CD96: variants seen among roughly 807,000 people sequenced by gnomAD.
CD96 encodes CD96 molecule, also known as T-cell surface protein tactile.
A neutral mutation model predicts 71.3 loss-of-function variants in CD96; 70 were observed. The observed-to-expected ratio is 0.98, with a 90% CI of 0.81 to 1.20. The LOEUF is 1.20. Among genes scored for constraint, CD96 ranks in the 50% most tolerant of loss-of-function variants. The pLI is 0.00. For missense variants in CD96, 742 were observed against 677.5 expected (o/e 1.10, Z -1.06); for synonymous variants, 248 against 233.0 (o/e 1.06, Z -0.59).
intron 12 of CD96, among the ~76,000 whole-genome samples, chr3:111,643,830 T>C (rs1161788295): frequency 6.6e-6 from 1 of 150,668 alleles, no homozygotes; most frequent in African/African-American, 2.4e-5. Context: ...CTGAGATAAA[T>C]CATAGATGAC....
chr3:111,554,685 T>G (rs7616420), intron 2 of CD96, among the ~76,000 whole-genome samples: 103,375 of 151,918 alleles, frequency 0.68, 35,512 homozygotes, highest in African/African-American at 0.77. Context: ...TGACACTAGG[T>G]ACCGGCATGG....
intron 5 of CD96, among the ~76,000 whole-genome samples, 191 bp downstream of exon 5, chr3:111,585,569 C>A (rs1298698887): frequency 1.3e-5 from 2 of 151,994 alleles, no homozygotes; most frequent in Admixed American, 1.3e-4. Flanking sequence ...AGACTTAGGG[C>A]TCTCAGAATG....
intron 3 of CD96, among the ~76,000 whole-genome samples, chr3:111,574,284 C>A (rs1228798669): frequency 6.6e-6 from 1 of 152,028 alleles, no homozygotes; most frequent in Non-Finnish European, 1.5e-5. Flanking sequence ...TCAAAATGCT[C>A]CAAAATCTGA....
intron 8 of CD96, among the ~76,000 whole-genome samples, chr3:111,616,028 T>A (rs1938216592): frequency 6.6e-6 from 1 of 152,154 alleles, no homozygotes; most frequent in Admixed American, 6.5e-5. Flanking sequence ...CTCGATGAGG[T>A]ACTCCATGAC....
At chr3:111,615,960 A>C (rs1938211874) in intron 8 of CD96, among the ~76,000 whole-genome samples, 1 of 152,076 alleles carries the variant, frequency 6.6e-6, no homozygotes, top group Non-Finnish European at 1.5e-5. Context: ...TTCTTCCCCC[A>C]AATATCTACA....
Position 111,663,796 on chromosome 3 carries a change from T to G in CD96, c.*53-1731T>G, listed in dbSNP as rs1435631595. ...TGGAGTCTCGCTCTGTTGCCCAGGC[T>G]GGAGTGCAGTAGTGCTATCTCTGCT... On this transcript the variant is annotated intron_variant and NMD_transcript_variant, in intron 14 of 14. Transcript: ENST00000494798. Among the ~76,000 whole-genome samples the G allele has an allele frequency of 2.0e-5, 3 of 150,726 alleles. No individual in the cohort carries two copies. The East Asian group carries it at 5.9e-4, about 30-fold the overall frequency.
chr3:111,661,552 T>A (rs1940358720), intron 14 of CD96, among the ~76,000 whole-genome samples: 1 of 152,206 alleles, frequency 6.6e-6, no homozygotes, highest in South Asian at 2.1e-4. Flanking sequence ...AGGGTACAGA[T>A]GTTGGGTAAA....
intron 12 of CD96, among the ~76,000 whole-genome samples, chr3:111,643,169 T>C (rs1939673576): frequency 6.7e-6 from 1 of 149,980 alleles, no homozygotes; most frequent in Non-Finnish European, 1.5e-5. Flanking sequence ...GATGCAGGGA[T>C]GGTTTAACAT....
chr3:111,562,786 G>A (rs1399424757), intron 2 of CD96, among the ~76,000 whole-genome samples: 1 of 152,076 alleles, frequency 6.6e-6, no homozygotes, highest in Admixed American at 6.5e-5. Flanking sequence ...CTGACTCAGT[G>A]TGTAGTTTCC....
At chr3:111,633,253 CACA>C (rs1275327077) in intron 10 of CD96, among the ~76,000 whole-genome samples, 2 of 151,964 alleles carry the variant, frequency 1.3e-5, no homozygotes, top group African/African-American at 4.8e-5. Flanking sequence ...TTAGAACACA[CACA>C]ACATTTATCA....
At chr3:111,563,555 C>G (rs968797515) in intron 2 of CD96, among the ~76,000 whole-genome samples, 3 of 152,162 alleles carry the variant, frequency 2.0e-5, no homozygotes, top group Admixed American at 2.0e-4. Flanking sequence ...TTAATGACTA[C>G]CTTTAGTCAA....
intron 3 of CD96, among the ~76,000 whole-genome samples, chr3:111,574,407 C>T (rs1576336959): frequency 6.6e-6 from 1 of 152,092 alleles, no homozygotes; most frequent in East Asian, 1.9e-4. Flanking sequence ...GTCCAAAATC[C>T]AAAACATCTG....
chr3:111,613,805 T>C (rs1312791499), intron 8 of CD96, among the ~76,000 whole-genome samples: 3 of 152,234 alleles, frequency 2.0e-5, no homozygotes, highest in Non-Finnish European at 4.4e-5. Flanking sequence ...CAGTTTTACA[T>C]TGGAATAAGG....
At chr3:111,646,138 A>C (rs1297622047) in intron 12 of CD96, among the ~76,000 whole-genome samples, 1 of 152,148 alleles carries the variant, frequency 6.6e-6, no homozygotes, top group African/African-American at 2.4e-5. Context: ...ATGTAATCGA[A>C]ATACCTAAAG....
chr3:111,659,888 G>T (rs969625177), intron 14 of CD96, among the ~76,000 whole-genome samples: 1 of 152,022 alleles, frequency 6.6e-6, no homozygotes, highest in Non-Finnish European at 1.5e-5. Flanking sequence ...AAAATAATAG[G>T]AGTTATACAT....
At chr3:111,575,192 G>C (rs11928127) in intron 3 of CD96, among the ~76,000 whole-genome samples, 1,671 of 152,238 alleles carry the variant, frequency 0.011, 37 homozygotes, top group African/African-American at 0.036. Flanking sequence ...TATTTGGAGG[G>C]AAATTGCTGT....
At position 111,650,053 on chromosome 3, in the gene CD96, T is replaced by C; in HGVS notation, c.*247T>C. The C allele has an allele frequency of 2.0e-6, 1 of 504,300 alleles. No individual in the cohort carries two copies. Among genetic ancestry groups the C allele is most frequent in the South Asian group, 2.1e-5 (1 of 48,736 alleles). The allele number at this position is 504,300 out of a possible 1,614,324, so 31.2% of individuals were successfully genotyped here. A position where few individuals can be genotyped will look rare whatever the true frequency, so the allele number is the denominator to read the frequency against. On this transcript the variant is annotated 3_prime_UTR_variant, in exon 14 of 14. Transcript: ENST00000352690. The stretch of plus-strand genomic sequence containing the variant: ...CAATTCGTAGTGGTTTTCTTGCTTA[T>C]GTAAGAAGTACATATTAGTCTGCCA...
At chr3:111,601,789 GT>G in intron 7 of CD96, among the ~76,000 whole-genome samples, 1 of 152,156 alleles carries the variant, frequency 6.6e-6, no homozygotes, top group Non-Finnish European at 1.5e-5. Context: ...GAAGGAAACA[GT>G]TTTTCTTTGT....
At chr3:111,636,368 A>C (rs1274054485) in intron 10 of CD96, among the ~76,000 whole-genome samples, 1 of 152,244 alleles carries the variant, frequency 6.6e-6, no homozygotes, top group Non-Finnish European at 1.5e-5. Flanking sequence ...CTTGGCACAC[A>C]AGAAAGCTTT....
Sources: allele counts gnomAD v4.1 joint callset (sites outside exome capture counted in the v4.1 genomes callset), GRCh38; gene constraint gnomAD v4.1.1; transcripts MANE v1.5; gene names NCBI Gene and HGNC (gene_info 2026-07-23, HGNC 2026-07-21).